DLGAP1: variants seen among roughly 807,000 people sequenced by gnomAD.
DLGAP1 encodes the protein disks large-associated protein 1.
A neutral mutation model predicts 90.8 loss-of-function variants in DLGAP1; 11 were observed. The ratio of observed to expected loss-of-function variants is 0.12; its 90% confidence interval spans 0.08 to 0.20. The LOEUF is 0.20. Ranked by LOEUF, DLGAP1 falls within the 10% of genes least tolerant of loss-of-function variation. The probability of loss-of-function intolerance (pLI) is 1.00; values close to 1 mark genes in which losing one functional copy is unlikely to be tolerated. For synonymous variants in DLGAP1, 558 were observed against 540.7 expected (o/e 1.03, Z -0.44); for missense variants, 1,050 against 1,333.8 (o/e 0.79, Z 3.31).
intron 1 of DLGAP1, among the ~76,000 whole-genome samples, chr18:4,219,147 T>C (rs2078025486): frequency 6.6e-6 from 1 of 151,746 alleles, no homozygotes; most frequent in African/African-American, 2.4e-5. Flanking sequence ...ATGTTATCTT[T>C]TGTCTTTTTG....
chr18:4,270,055 AG>A (rs2079240554), intron 1 of DLGAP1, among the ~76,000 whole-genome samples: 1 of 152,200 alleles, frequency 6.6e-6, no homozygotes, highest in Non-Finnish European at 1.5e-5. Flanking sequence ...AATGTTCAGA[AG>A]CTCTGTGTTA....
chr18:3,507,410 G>C (rs936061511), intron 11 of DLGAP1, among the ~76,000 whole-genome samples: 4 of 151,738 alleles, frequency 2.6e-5, no homozygotes, highest in African/African-American at 9.7e-5. Flanking sequence ...CCAGCTACTC[G>C]GAGGCTGAGG....
intron 9 of DLGAP1, among the ~76,000 whole-genome samples, chr18:3,563,449 T>C (rs2145057801): frequency 6.7e-6 from 1 of 149,584 alleles, no homozygotes; most frequent in East Asian, 1.9e-4. Flanking sequence ...TCAGATAATC[T>C]GTTATGGCTT....
At chr18:4,188,132 T>C (rs1299677141) in intron 1 of DLGAP1, among the ~76,000 whole-genome samples, 1 of 152,184 alleles carries the variant, frequency 6.6e-6, no homozygotes, top group African/African-American at 2.4e-5. Context: ...TTTTTGGTGA[T>C]AAAATTTCAA....
intron 7 of DLGAP1, among the ~76,000 whole-genome samples, chr18:3,688,267 T>C (rs942328658): frequency 2.0e-5 from 3 of 152,046 alleles, no homozygotes; most frequent in Non-Finnish European, 4.4e-5. Context: ...AAAATGGATA[T>C]AGTTAATGGT....
In DLGAP1 at chr18:3,879,446, A is replaced by G; in HGVS notation, c.623T>C (p.Leu208Pro). The change falls in exon 4 of 13, where the codon CTG (leucine) becomes CCG (proline). Residue 208 changes from leucine (L) to proline (P), a missense_variant. This residue lies in a region of DLGAP1 where 485 missense variants were observed against 454.1 expected (regional missense o/e 1.07). Coordinates refer to ENST00000315677, the MANE Select transcript of DLGAP1 (RefSeq NM_004746.4). This position sits in a 1 kb window ranked among gnomAD's most constrained non-coding sequence, Gnocchi z 6.6. Reference protein sequence around the residue: ...SPGWWSSDDNLDGDMCIYHAP... With the variant: ...SPGWWSSDDNPDGDMCIYHAP... ...GTGGTAGATGCACATGTCACCATCCAGGTTGTCGTCCGAGCTCCACCAGCC... is the reference window on the plus strand; with the variant it reads ...GTGGTAGATGCACATGTCACCATCCGGGTTGTCGTCCGAGCTCCACCAGCC... 1 of 1,608,128 alleles carries G rather than the reference A, an allele frequency of 6.2e-7. No homozygotes were observed. Among genetic ancestry groups the G allele is most frequent in the Non-Finnish European group, 8.5e-7 (1 of 1,179,940 alleles).
At chr18:3,681,732 G>A (rs1302720300) in intron 7 of DLGAP1, among the ~76,000 whole-genome samples, 2 of 152,192 alleles carry the variant, frequency 1.3e-5, no homozygotes, top group East Asian at 3.9e-4. Context: ...CTTGTGGGGA[G>A]TGATTTGGTC....
At chr18:4,014,721 T>C (rs1042375295) in intron 2 of DLGAP1, among the ~76,000 whole-genome samples, 21 of 152,086 alleles carry the variant, frequency 1.4e-4, no homozygotes, top group African/African-American at 4.8e-4. Flanking sequence ...AAGACCCAAA[T>C]AGTTATTAAT....
intron 3 of DLGAP1, among the ~76,000 whole-genome samples, chr18:3,893,885 T>C (rs1381842743): frequency 1.3e-5 from 2 of 152,148 alleles, no homozygotes; most frequent in East Asian, 3.9e-4. Context: ...ACGTCTGTTA[T>C]TTTTTGATTT....
chr18:3,572,745 C>T (rs541533274), intron 8 of DLGAP1, among the ~76,000 whole-genome samples: 1 of 152,266 alleles, frequency 6.6e-6, no homozygotes, highest in East Asian at 1.9e-4. Context: ...CCACTACACC[C>T]GGCCTTTAGT....
chr18:4,349,987 A>T (rs1410711031), intron 1 of DLGAP1, among the ~76,000 whole-genome samples: 2 of 152,164 alleles, frequency 1.3e-5, no homozygotes, highest in African/African-American at 4.8e-5. Flanking sequence ...CAGTTTTCAT[A>T]GTTTAAACGT....
chr18:4,200,836 A>G (rs916678453), intron 1 of DLGAP1, among the ~76,000 whole-genome samples: 1 of 152,112 alleles, frequency 6.6e-6, no homozygotes, highest in Admixed American at 6.5e-5. Context: ...CAATCCTTAT[A>G]GTGATGTTAC....
chr18:3,586,177 A>T (rs2145463810), intron 7 of DLGAP1, among the ~76,000 whole-genome samples: 1 of 152,286 alleles, frequency 6.6e-6, no homozygotes, highest in East Asian at 1.9e-4. Context: ...TCCAGCCCCC[A>T]ACACCCAAAG....
At chr18:3,650,886 G>T (rs1255140361) in intron 7 of DLGAP1, among the ~76,000 whole-genome samples, 1 of 151,640 alleles carries the variant, frequency 6.6e-6, no homozygotes, top group African/African-American at 2.4e-5. Flanking sequence ...GGCCAACATG[G>T]TGAAACCCTG....
rs116251645 is a variant in DLGAP1, at chr18:4,337,301, C to T, written c.-267+117705G>A. Among the ~76,000 whole-genome samples the T allele has an allele frequency of 6.8e-3, 1,030 of 150,570 alleles. 15 individuals are homozygous for T. Among genetic ancestry groups the T allele is most frequent in the African/African-American group, 0.024 (964 of 40,932 alleles). On this transcript the variant is annotated intron_variant, in intron 1 of 12. Transcript: ENST00000315677. ...CTCTGCCTCCCAGGTTCAGGTGATC[C>T]CCCCACCTCAACTTCCAGAGTAGCT...
At chr18:3,807,231 C>A (rs2066608643) in intron 5 of DLGAP1, among the ~76,000 whole-genome samples, 1 of 152,322 alleles carries the variant, frequency 6.6e-6, no homozygotes, top group African/African-American at 2.4e-5. Flanking sequence ...TTTTGAATGT[C>A]TGTTTTTCCT....
intron 3 of DLGAP1, among the ~76,000 whole-genome samples, chr18:3,990,566 T>C (rs1440720585): frequency 1.3e-5 from 2 of 150,550 alleles, no homozygotes; most frequent in Admixed American, 6.6e-5. Context: ...CACACCAACA[T>C]GGCACATGTA....
intron 2 of DLGAP1, among the ~76,000 whole-genome samples, chr18:4,049,618 C>G (rs2075103758): frequency 6.6e-6 from 1 of 152,180 alleles, no homozygotes; most frequent in Admixed American, 6.5e-5. Flanking sequence ...TTCCAGCTCC[C>G]TCCTGGGACT....
chr18:3,676,467 A>G (rs984110356), intron 7 of DLGAP1, among the ~76,000 whole-genome samples: 5 of 151,980 alleles, frequency 3.3e-5, no homozygotes, highest in African/African-American at 7.3e-5. Context: ...TAAACTCCTC[A>G]TGAGTGTCCA....
Sources: allele counts gnomAD v4.1 joint callset (sites outside exome capture counted in the v4.1 genomes callset), GRCh38; gene constraint gnomAD v4.1.1; regional missense constraint gnomAD v4.1.1; non-coding constraint Gnocchi (gnomAD v3.1); transcripts MANE v1.5; gene names NCBI Gene and HGNC (gene_info 2026-07-23, HGNC 2026-07-21).